The following GRIA3 variants were observed in gnomAD, a reference collection of about 807,000 sequenced individuals.
GRIA3 encodes the protein glutamate receptor 3.
A neutral mutation model predicts 63.0 loss-of-function variants in GRIA3; 3 were observed. That is an observed-to-expected ratio of 0.05 (90% confidence interval 0.02 to 0.12). The LOEUF is 0.12. Ranked by LOEUF, GRIA3 falls within the 10% of genes least tolerant of loss-of-function variation. The probability of loss-of-function intolerance (pLI) is 1.00; values close to 1 mark genes in which losing one functional copy is unlikely to be tolerated. For synonymous variants in GRIA3, 274 were observed against 257.9 expected (o/e 1.06, Z -0.60); for missense variants, 347 against 700.9 (o/e 0.50, Z 5.70).
At chrX:123,240,338 C>CT (rs71816384) in intron 2 of GRIA3, among the ~76,000 whole-genome samples, 10 of 109,549 alleles carry the variant, frequency 9.1e-5, no homozygotes, top group African/African-American at 1.3e-4. Context: ...TTTAACTTGC[C>CT]TTTTTTTTTC....
chrX:123,301,345 G>A (rs2044721826), intron 3 of GRIA3, among the ~76,000 whole-genome samples: 1 of 110,926 alleles, frequency 9.0e-6, no homozygotes. Flanking sequence ...TTTGAATCTT[G>A]GTGCTCCTGT....
chrX:123,359,140 G>T (rs2045152787), intron 5 of GRIA3, among the ~76,000 whole-genome samples: 1 of 111,502 alleles, frequency 9.0e-6, no homozygotes, highest in Admixed American at 9.6e-5. Flanking sequence ...GATGATTTTA[G>T]ATACTACATA....
In GRIA3 at chrX:123,465,865, G is replaced by A. The variant is rs1271492530; in HGVS notation, c.2324+753G>A. On this transcript the variant is annotated intron_variant, in intron 13 of 15. Coordinates refer to ENST00000620443, the MANE Select transcript of GRIA3 (RefSeq NM_007325.5). ...AAGACTGTTATCTTATTATTGAGGAGAGAGCACAAGACTCACACATAAAGT... is the reference window on the plus strand; with the variant it reads ...AAGACTGTTATCTTATTATTGAGGAAAGAGCACAAGACTCACACATAAAGT... 8.2e-6 allele frequency: 6 copies of A among 728,997 alleles called. No individual in the cohort carries two copies. The African/African-American group carries it at 1.0e-4, about 13-fold the overall frequency. 60.1% of individuals were successfully genotyped at this position (728,997 alleles called of 1,213,427 possible).
intron 3 of GRIA3, among the ~76,000 whole-genome samples, chrX:123,254,587 A>T (rs1418144224): frequency 8.9e-6 from 1 of 112,201 alleles, no homozygotes; most frequent in Non-Finnish European, 1.9e-5. Flanking sequence ...CCTTCTAAGT[A>T]ACTTAACTTG....
chrX:123,190,767 A>G (rs1406593837), intron 2 of GRIA3, among the ~76,000 whole-genome samples: 1 of 111,974 alleles, frequency 8.9e-6, no homozygotes, highest in Non-Finnish European at 1.9e-5. Flanking sequence ...TACAGAGGTA[A>G]TTTCCTTAAT....
At chrX:123,444,584 A>G (rs969604059) in intron 12 of GRIA3, among the ~76,000 whole-genome samples, 8 of 111,306 alleles carry the variant, frequency 7.2e-5, no homozygotes, top group African/African-American at 2.6e-4. Context: ...GACAGCCCCA[A>G]GTGACTGAAT....
At chrX:123,240,936 G>A (rs758739196) in intron 2 of GRIA3, among the ~76,000 whole-genome samples, 1 of 111,974 alleles carries the variant, frequency 8.9e-6, no homozygotes, top group Non-Finnish European at 1.9e-5. Flanking sequence ...TTAGGCCTGT[G>A]AATGTGTGTG....
intron 13 of GRIA3, among the ~76,000 whole-genome samples, chrX:123,471,728 C>T (rs1460364189): frequency 9.2e-6 from 1 of 108,641 alleles, no homozygotes; most frequent in Non-Finnish European, 1.9e-5. Flanking sequence ...AAATTTGATG[C>T]AATTGAAATA....
chrX:123,389,338 G>A (rs372300294), intron 5 of GRIA3, among the ~76,000 whole-genome samples: 16 of 111,582 alleles, frequency 1.4e-4, no homozygotes, highest in South Asian at 7.5e-4. Flanking sequence ...ACCTATTTTC[G>A]TACTGGAGTC....
chrX:123,188,736 A>C, intron 2 of GRIA3, among the ~76,000 whole-genome samples: 1 of 111,885 alleles, frequency 8.9e-6, no homozygotes, highest in South Asian at 3.8e-4. Context: ...TTCCCTTAGC[A>C]CTAGAATTGA....
At chrX:123,206,198 C>T (rs1191245528) in intron 2 of GRIA3, among the ~76,000 whole-genome samples, 1 of 112,110 alleles carries the variant, frequency 8.9e-6, no homozygotes, top group East Asian at 2.8e-4. Context: ...AATAACACTA[C>T]AAGCAAATCC....
intron 12 of GRIA3, among the ~76,000 whole-genome samples, chrX:123,460,987 T>C (rs1216174352): frequency 9.0e-6 from 1 of 111,510 alleles, no homozygotes; most frequent in Non-Finnish European, 1.9e-5. Flanking sequence ...GCAGACTAAG[T>C]AGCATTTAAA....
chrX:123,275,904 A>G (rs1294086025), intron 3 of GRIA3, among the ~76,000 whole-genome samples: 1 of 112,382 alleles, frequency 8.9e-6, no homozygotes, highest in Non-Finnish European at 1.9e-5. Context: ...GTCTCTCCAA[A>G]AAGAATGTAA....
rs377763272 is a variant in GRIA3, at chrX:123,447,126, T to C, written c.2077-17739T>C. Reference sequence around the variant, plus strand: ...GGCCGGATGCAGTGGCTCATGCCTGTAATCCCAGCATTTTGGGAGGCCAAG... The same window carrying C: ...GGCCGGATGCAGTGGCTCATGCCTGCAATCCCAGCATTTTGGGAGGCCAAG... On this transcript the variant is annotated intron_variant, in intron 12 of 15. Coordinates refer to ENST00000620443, the MANE Select transcript of GRIA3 (RefSeq NM_007325.5). Among the ~76,000 whole-genome samples, 172 of 111,847 alleles carry C rather than the reference T, an allele frequency of 1.5e-3. 1 individual carries two copies. The highest frequency in any genetic ancestry group is 7.1e-3 in the South Asian group (19 of 2,679).
chrX:123,382,330 G>T (rs2045329397), intron 5 of GRIA3, among the ~76,000 whole-genome samples: 1 of 111,124 alleles, frequency 9.0e-6, no homozygotes, highest in Admixed American at 9.6e-5. Context: ...AAAGCAGGTT[G>T]TGATGACCTC....
chrX:123,350,863 G>A (rs2045090027), intron 4 of GRIA3, among the ~76,000 whole-genome samples: 1 of 112,004 alleles, frequency 8.9e-6, no homozygotes, highest in Non-Finnish European at 1.9e-5. Flanking sequence ...TATATGTGAG[G>A]ATTAAAATAA....
chrX:123,405,698 C>A (rs1362575037), intron 10 of GRIA3, among the ~76,000 whole-genome samples: 2 of 111,693 alleles, frequency 1.8e-5, no homozygotes, highest in Non-Finnish European at 3.8e-5. Flanking sequence ...CCTACTAGTC[C>A]TCTGAAACAC....
At chrX:123,464,051 C>A (rs753348414) in intron 12 of GRIA3, among the ~76,000 whole-genome samples, 2 of 110,352 alleles carry the variant, frequency 1.8e-5, no homozygotes, top group African/African-American at 6.6e-5. Flanking sequence ...CAGAGTTTCA[C>A]CTGATGAAGA....
At position 123,373,929 on chromosome X, in the gene GRIA3, C is replaced by T. The variant is rs969764749; in HGVS notation, c.750+18966C>T. Among the ~76,000 whole-genome samples, 8 of 111,484 alleles carry T rather than the reference C, an allele frequency of 7.2e-5. No homozygotes were observed. In the East Asian group the frequency reaches 8.4e-4, roughly 12 times the overall value. ...GGTGTTTTAGACATGAAGTCCTTGC[C>T]GATGCCTATGTCCTTAATGGTATTG... is the stretch of plus-strand genomic sequence containing the variant. On this transcript the variant is annotated intron_variant, in intron 5 of 15. Coordinates refer to ENST00000620443, the MANE Select transcript of GRIA3 (RefSeq NM_007325.5).
Sources: allele counts gnomAD v4.1 joint callset (sites outside exome capture counted in the v4.1 genomes callset), GRCh38; gene constraint gnomAD v4.1.1; transcripts MANE v1.5; gene names NCBI Gene and HGNC (gene_info 2026-07-23, HGNC 2026-07-21).